Variants in ELP1 observed in about 807,000 individuals in gnomAD.
ELP1 encodes elongator acetyltransferase complex subunit 1.
ELP1 carries 131 observed loss-of-function variants against 183.2 expected under a neutral mutation model. The observed-to-expected ratio is 0.72, with a 90% CI of 0.62 to 0.83. ELP1 has a LOEUF of 0.83. Among genes scored for constraint, ELP1 ranks in the 40% least tolerant of loss-of-function variants. The pLI is 0.00. For synonymous variants in ELP1, 555 were observed against 569.0 expected (o/e 0.98, Z 0.35); for missense variants, 1,550 against 1,594.9 (o/e 0.97, Z 0.48).
At chr9:108,900,855 ACGC>A (rs1314834718) in intron 18 of ELP1, among the ~76,000 whole-genome samples, 2,747 of 33,934 alleles carry the variant, frequency 0.081, 775 homozygotes, top group African/African-American at 0.13. Context: ...ACACACATAC[ACGC>A]CACACACACA....
At position 108,891,238 on chromosome 9, in the gene ELP1, T is replaced by C. The variant is rs1355295793; in HGVS notation, c.3125A>G (p.Lys1042Arg). 1 of 1,614,050 alleles carries C rather than the reference T, an allele frequency of 6.2e-7. No individual in the cohort carries two copies. The highest frequency in any genetic ancestry group is 8.5e-7 in the Non-Finnish European group (1 of 1,180,018). Residue 1042 changes from lysine to arginine, a missense_variant, in exon 28 of 37, where the codon AAA (lysine) becomes AGA (arginine). Lys to Arg is a conservative substitution (Grantham distance 26). Transcript: ENST00000374647. Reference protein sequence around the residue: ...LCVAAQLNFTKDQLVGLGRTL... With the variant: ...LCVAAQLNFTRDQLVGLGRTL... ...TCTGCCGAGGCCCACCAGCTGGTCT[T>C]TGGTAAAGTTAAGCTGGGCTGCCAC...
chr9:108,929,173 G>T (rs553892134), intron 3 of ELP1, among the ~76,000 whole-genome samples: 3 of 152,328 alleles, frequency 2.0e-5, no homozygotes, highest in South Asian at 2.1e-4. Context: ...ATGAAGTAAT[G>T]GAAGAAGATT....
At chr9:108,906,164 C>T (rs1464964207) in intron 14 of ELP1, 139 bp downstream of exon 14, 7 of 787,372 alleles carry the variant, frequency 8.9e-6, no homozygotes, top group Non-Finnish European at 8.5e-6. Flanking sequence ...TAGACTTAAC[C>T]TTCTTGTTAA....
At chr9:108,911,241 A>G in intron 11 of ELP1, 61 bp from the exon 12 acceptor site, 1 of 1,457,842 alleles carries the variant, frequency 6.9e-7, no homozygotes, top group Non-Finnish European at 9.6e-7. Context: ...AAGATAAGCC[A>G]TCTGAACATC....
chr9:108,884,943 T>A (rs973127171), intron 29 of ELP1, among the ~76,000 whole-genome samples: 2 of 152,012 alleles, frequency 1.3e-5, no homozygotes, highest in South Asian at 4.1e-4. Flanking sequence ...TAGCCAGGCA[T>A]GGTGGCATGC....
intron 16 of ELP1, among the ~76,000 whole-genome samples, chr9:108,902,543 TTC>T (rs1442350378): frequency 2.0e-5 from 3 of 152,206 alleles, no homozygotes; most frequent in Admixed American, 1.3e-4. Flanking sequence ...AAGATCACAT[TTC>T]TGTTTCCCCT....
At chr9:108,876,234 T>G (rs909993696) in intron 35 of ELP1, among the ~76,000 whole-genome samples, 3 of 152,148 alleles carry the variant, frequency 2.0e-5, no homozygotes, top group African/African-American at 7.2e-5. Flanking sequence ...CGGTGATCAC[T>G]GCACTCCAGC....
At chr9:108,874,713 G>A (rs900296959) in intron 36 of ELP1, among the ~76,000 whole-genome samples, 182 bp downstream of exon 36, 2 of 152,180 alleles carry the variant, frequency 1.3e-5, no homozygotes, top group Non-Finnish European at 2.9e-5. Context: ...GTCCCCCACC[G>A]CTAGAAGCAT....
chr9:108,884,633 C>T (rs1828056680), intron 29 of ELP1, among the ~76,000 whole-genome samples: 1 of 152,036 alleles, frequency 6.6e-6, no homozygotes, highest in Non-Finnish European at 1.5e-5. Flanking sequence ...TCTAAATAAG[C>T]CAAGGTTCAA....
At chr9:108,877,645 G>A (rs528611332) in intron 35 of ELP1, among the ~76,000 whole-genome samples, 1 of 152,242 alleles carries the variant, frequency 6.6e-6, no homozygotes, top group African/African-American at 2.4e-5. Context: ...TCCCATCCCT[G>A]AGTTCTGAAA....
At chr9:108,924,116 A>G (rs1337858128) in intron 5 of ELP1, among the ~76,000 whole-genome samples, 1 of 152,254 alleles carries the variant, frequency 6.6e-6, no homozygotes. Context: ...GAATGAAGAA[A>G]GAGAACTTTT....
intron 27 of ELP1, among the ~76,000 whole-genome samples, 179 bp from the exon 28 acceptor site, chr9:108,891,583 C>A (rs755302841): frequency 4.6e-5 from 7 of 152,192 alleles, no homozygotes; most frequent in African/African-American, 7.2e-5. Flanking sequence ...TGAGGATGTG[C>A]CATTTATTCA....
Position 108,919,739 on chromosome 9 carries a change from C to T in ELP1, c.553-390G>A, listed in dbSNP as rs1320429371. On this transcript the variant is annotated intron_variant, in intron 6 of 36. Transcript: ENST00000374647. ...TTTACATATTGTGTAAGCTTCACAA[C>T]AGGGCACAGATGAGTTAAGATGTGA... Among the ~76,000 whole-genome samples, 7 of 152,252 alleles carry T rather than the reference C, an allele frequency of 4.6e-5. No homozygotes were observed. In the East Asian group the frequency reaches 1.2e-3, roughly 25 times the overall value.
intron 27 of ELP1, among the ~76,000 whole-genome samples, chr9:108,891,963 A>G (rs1306986093): frequency 1.3e-5 from 2 of 152,156 alleles, no homozygotes; most frequent in Non-Finnish European, 2.9e-5. Context: ...GTGTGACTAG[A>G]GCAGAGAGAG....
chr9:108,898,360 C>A, intron 22 of ELP1, 142 bp downstream of exon 22: 2 of 631,246 alleles, frequency 3.2e-6, no homozygotes, highest in Admixed American at 3.0e-5. Context: ...GAGCAAAAAA[C>A]CAACTGGCAT....
chr9:108,867,816 C>T lies in ELP1; in HGVS notation c.*1299G>A, dbSNP rs1827293412. 1 of 152,212 alleles carries T rather than the reference C, an allele frequency of 6.6e-6. No homozygotes were observed. The allele number at this position is 152,212 out of a possible 1,614,324, so 9.4% of individuals were successfully genotyped here. A position where few individuals can be genotyped will look rare whatever the true frequency, so the allele number is the denominator to read the frequency against. On this transcript the variant is annotated 3_prime_UTR_variant, in exon 37 of 37. Transcript: ENST00000374647. ...GAAAAGTTGAATTTTACAGTGAATA[C>T]TCCTAGATTGATTCTATAGTTAACA...
intron 6 of ELP1, among the ~76,000 whole-genome samples, chr9:108,921,744 C>T (rs1479165182): frequency 6.6e-6 from 1 of 152,182 alleles, no homozygotes; most frequent in Non-Finnish European, 1.5e-5. Flanking sequence ...TCTAATAAGT[C>T]AATAGCTTTC....
intron 5 of ELP1, among the ~76,000 whole-genome samples, chr9:108,926,043 A>G (rs1204545380): frequency 1.3e-5 from 2 of 152,230 alleles, no homozygotes; most frequent in African/African-American, 4.8e-5. Flanking sequence ...CTTATGCTTA[A>G]TAAGCGTCTC....
intron 23 of ELP1, 39 bp downstream of exon 23, chr9:108,897,109 G>A (rs1177346559): frequency 5.6e-6 from 9 of 1,613,982 alleles, no homozygotes; most frequent in East Asian, 2.2e-5. Context: ...TACACACTTC[G>A]GTTTTTCAAA....
Sources: allele counts gnomAD v4.1 joint callset (sites outside exome capture counted in the v4.1 genomes callset), GRCh38; gene constraint gnomAD v4.1.1; transcripts MANE v1.5; gene names NCBI Gene and HGNC (gene_info 2026-07-23, HGNC 2026-07-21).